LYPLAL1: variants seen among roughly 807,000 people sequenced by gnomAD.
LYPLAL1 encodes the protein lysophospholipase like 1, also known as lysophospholipase-like protein 1.
A neutral mutation model predicts 19.7 loss-of-function variants in LYPLAL1; 23 were observed. The ratio of observed to expected loss-of-function variants is 1.17; its 90% CI spans 0.84 to 1.65. LYPLAL1 has a LOEUF of 1.65. LYPLAL1 is among the 40% of genes most tolerant of loss of function. LYPLAL1 has a pLI of 0.00. For synonymous variants in LYPLAL1, 119 were observed against 96.3 expected, an observed-to-expected ratio of 1.24 and a Z score of -1.38; for missense variants, 355 against 279.4, an observed-to-expected ratio of 1.27 and a Z score of -1.93.
At chr1:219,220,480 C>G in the LYPLAL1 span, among the ~76,000 whole-genome samples, 1 of 152,098 alleles carries the variant, frequency 6.6e-6, no homozygotes, top group Admixed American at 6.6e-5. Flanking sequence ...CATCATCATG[C>G]CCAGTAATTG....
At chr1:219,235,054 A>G in the LYPLAL1 span, among the ~76,000 whole-genome samples, 1 of 152,200 alleles carries the variant, frequency 6.6e-6, no homozygotes, top group Non-Finnish European at 1.5e-5. Context: ...TGCATAACAT[A>G]ATACAAGATC....
intron 2 of LYPLAL1, among the ~76,000 whole-genome samples, chr1:219,187,884 C>T (rs949854534): frequency 1.3e-5 from 2 of 151,626 alleles, no homozygotes; most frequent in African/African-American, 4.8e-5. Flanking sequence ...AAATAATGTA[C>T]TTCTTTGGTA....
the LYPLAL1 span, among the ~76,000 whole-genome samples, chr1:219,231,415 A>G: frequency 1.3e-5 from 2 of 152,130 alleles, no homozygotes; most frequent in Non-Finnish European, 2.9e-5. Flanking sequence ...AAATATTTGT[A>G]TTTTCTATCA....
chr1:219,184,272 T>C (rs1264407424), intron 2 of LYPLAL1, among the ~76,000 whole-genome samples: 1 of 151,936 alleles, frequency 6.6e-6, no homozygotes, highest in Non-Finnish European at 1.5e-5. Flanking sequence ...CTACAAGTAT[T>C]CTGTTTCTTC....
chr1:219,355,478 G>A, the LYPLAL1 span, among the ~76,000 whole-genome samples: 1 of 152,076 alleles, frequency 6.6e-6, no homozygotes, highest in African/African-American at 2.4e-5. Flanking sequence ...TACACACTCT[G>A]TTAAAAGGCA....
the LYPLAL1 span, among the ~76,000 whole-genome samples, chr1:219,415,265 A>G: frequency 6.6e-6 from 1 of 152,222 alleles, no homozygotes; most frequent in South Asian, 2.1e-4. Context: ...CCCCCACAAA[A>G]TCAGTGAAAC....
the LYPLAL1 span, among the ~76,000 whole-genome samples, chr1:219,400,809 TC>T: frequency 6.6e-6 from 1 of 152,190 alleles, no homozygotes; most frequent in African/African-American, 2.4e-5. Context: ...CTGTCTATCA[TC>T]TATCTATCTA....
the LYPLAL1 span, among the ~76,000 whole-genome samples, chr1:219,247,731 C>G: frequency 6.6e-6 from 1 of 152,130 alleles, no homozygotes; most frequent in African/African-American, 2.4e-5. Flanking sequence ...CATGTTTATT[C>G]AAGAATATGA....
chr1:219,373,990 T>A, the LYPLAL1 span, among the ~76,000 whole-genome samples: 1 of 151,814 alleles, frequency 6.6e-6, no homozygotes, highest in Non-Finnish European at 1.5e-5. Flanking sequence ...TGCCTGCAAA[T>A]TTTTAATCAT....
In LYPLAL1 at chr1:219,173,901, C is replaced by T. The variant is rs1334216979; in HGVS notation, c.11C>T (p.Ala4Val). ...GCAGTGGCATCAGCGATGGCGGCTGCGTCGGGGTCGGTTCTGCAGCGCTGT... is the reference window on the plus strand; with the variant it reads ...GCAGTGGCATCAGCGATGGCGGCTGTGTCGGGGTCGGTTCTGCAGCGCTGT... MAA[A>V]SGSVLQRCIV... Residue 4 changes from alanine (A) to valine (V), a missense_variant, in exon 1 of 5, where the codon GCG (alanine) becomes GTG (valine). Ala to Val is a moderately conservative substitution (Grantham distance 64). Coordinates refer to ENST00000366928, the MANE Select transcript of LYPLAL1 (RefSeq NM_138794.5). 11 of 1,612,912 alleles carry T rather than the reference C, an allele frequency of 6.8e-6. No individual in the cohort carries two copies. The highest frequency in any genetic ancestry group is 1.7e-5 in the Admixed American group (1 of 60,034).
the LYPLAL1 span, among the ~76,000 whole-genome samples, chr1:219,404,934 G>A: frequency 6.6e-6 from 1 of 152,110 alleles, no homozygotes; most frequent in Non-Finnish European, 1.5e-5. Flanking sequence ...TTTATAAATT[G>A]TTTATGAAAA....
chr1:219,367,982 G>C, the LYPLAL1 span, among the ~76,000 whole-genome samples: 8 of 137,530 alleles, frequency 5.8e-5, no homozygotes, highest in East Asian at 1.7e-3. Flanking sequence ...ATGTGGATTT[G>C]CTCTCTCCAA....
At chr1:219,307,461 T>A in the LYPLAL1 span, among the ~76,000 whole-genome samples, 21 of 152,178 alleles carry the variant, frequency 1.4e-4, no homozygotes, top group Non-Finnish European at 2.6e-4. Context: ...TAAATTTGCA[T>A]TTTGTTAAGC....
At chr1:219,436,254 A>G in the LYPLAL1 span, among the ~76,000 whole-genome samples, 1 of 152,220 alleles carries the variant, frequency 6.6e-6, no homozygotes, top group East Asian at 1.9e-4. Context: ...AGCCTCCTAG[A>G]GGGATAGCCA....
chr1:219,428,969 G>A, the LYPLAL1 span, among the ~76,000 whole-genome samples: 13 of 152,190 alleles, frequency 8.5e-5, no homozygotes, highest in Non-Finnish European at 1.3e-4. Flanking sequence ...GTGCATGCAC[G>A]TGTGTGCGTA....
At chr1:219,247,159 A>C in the LYPLAL1 span, among the ~76,000 whole-genome samples, 4 of 152,228 alleles carry the variant, frequency 2.6e-5, no homozygotes, top group African/African-American at 9.6e-5. Flanking sequence ...AGCAATTATA[A>C]CTACTTCTTA....
At chr1:219,400,318 T>G in the LYPLAL1 span, among the ~76,000 whole-genome samples, 2 of 152,058 alleles carry the variant, frequency 1.3e-5, no homozygotes, top group African/African-American at 2.4e-5. Flanking sequence ...TTTGTTTAAA[T>G]ATCTCCTTTT....
At chr1:219,174,754 C>G (rs1051939201) in intron 1 of LYPLAL1, among the ~76,000 whole-genome samples, 2 of 152,136 alleles carry the variant, frequency 1.3e-5, no homozygotes, top group African/African-American at 2.4e-5. Flanking sequence ...CTTTGCACCC[C>G]CAGTGCTTGG....
the LYPLAL1 span, among the ~76,000 whole-genome samples, chr1:219,307,529 G>A: frequency 1.3e-5 from 2 of 152,138 alleles, no homozygotes; most frequent in Non-Finnish European, 2.9e-5. Context: ...GGCTGAAATT[G>A]CCTAATTAAT....
Sources: allele counts gnomAD v4.1 joint callset (sites outside exome capture counted in the v4.1 genomes callset), GRCh38; gene constraint gnomAD v4.1.1; transcripts MANE v1.5; gene names NCBI Gene and HGNC (gene_info 2026-07-23, HGNC 2026-07-21).